DZIP3: variants seen among roughly 807,000 people sequenced by gnomAD.
The protein encoded by DZIP3 is DAZ interacting zinc finger protein 3.
Under a neutral mutation model 162.0 loss-of-function variants are expected in DZIP3, and 118 were observed. The ratio of observed to expected loss-of-function variants is 0.73; its 90% confidence interval spans 0.63 to 0.85. The LOEUF (loss-of-function observed/expected upper bound fraction) is 0.85, where lower values mean the gene tolerates loss of function less well. DZIP3 is among the 40% of genes least tolerant of loss of function. DZIP3 has a pLI of 0.00. For synonymous variants in DZIP3, 438 were observed against 458.6 expected (o/e 0.96, Z 0.57); for missense variants, 1,331 against 1,407.0 (o/e 0.95, Z 0.86).
rs941345390 is a variant in DZIP3, at chr3:108,662,402, C to G, written c.2423+145C>G. 10 of 1,053,782 alleles carry G rather than the reference C, an allele frequency of 9.5e-6. No individual in the cohort carries two copies. In the African/African-American group the frequency reaches 1.6e-4, roughly 17 times the overall value. The allele number at this position is 1,053,782 out of a possible 1,614,324, so 65.3% of individuals were successfully genotyped here. Reference sequence around the variant, plus strand: ...ACGACTGCACTTGTTTAAAAACCAACCATATTTTTGTCTTGCCAACTGGAT... The same window carrying G: ...ACGACTGCACTTGTTTAAAAACCAAGCATATTTTTGTCTTGCCAACTGGAT... On this transcript the variant is annotated intron_variant, in intron 21 of 32. Coordinates refer to ENST00000361582, the MANE Select transcript of DZIP3 (RefSeq NM_014648.4).
At chr3:108,619,331 T>G (rs1275858065) in intron 5 of DZIP3, among the ~76,000 whole-genome samples, 1 of 150,244 alleles carries the variant, frequency 6.7e-6, no homozygotes, top group African/African-American at 2.5e-5. Context: ...TGTGTTTTGT[T>G]TTATATACAT....
At chr3:108,629,996 AT>A (rs1392891392) in intron 8 of DZIP3, among the ~76,000 whole-genome samples, 2 of 151,930 alleles carry the variant, frequency 1.3e-5, no homozygotes, top group African/African-American at 4.8e-5. Context: ...TTCTCACGTC[AT>A]TTCATTAGAA....
chr3:108,647,957 G>A lies in DZIP3; in HGVS notation c.1807G>A (p.Glu603Lys). The part of the protein sequence containing the change: ...ITGSQRIEIE[E>K]LQNEEEELSP... ...TTTATGTTTAGGTATTGAAATAGAA[G>A]AGTTACAGAATGAGGAAGAAGAACT... is the stretch of plus-strand genomic sequence containing the variant. The change falls in exon 16 of 33, where the codon GAG (glutamate) becomes AAG (lysine). Residue 603 changes from glutamate to lysine, a missense_variant. By Grantham distance (56) the Glu-to-Lys change is moderately conservative (BLOSUM62 1). Around this residue, in one of 2 missense-constraint regions of DZIP3, gnomAD observed 1,278 missense variants for 1,317.1 expected, o/e 0.97. Transcript: ENST00000361582. The A allele has an allele frequency of 6.4e-7, 1 of 1,558,208 alleles. No individual in the cohort carries two copies. Among genetic ancestry groups the A allele is most frequent in the South Asian group, 1.2e-5 (1 of 80,806 alleles).
chr3:108,677,463 G>T, intron 25 of DZIP3, 34 bp from the exon 26 acceptor site: 2 of 1,564,236 alleles, frequency 1.3e-6, no homozygotes, highest in South Asian at 1.1e-5. Flanking sequence ...AAAGTTGGTT[G>T]TTCTCTAAAG....
intron 4 of DZIP3, among the ~76,000 whole-genome samples, chr3:108,612,317 C>T (rs1940757406): frequency 6.6e-6 from 1 of 152,054 alleles, no homozygotes; most frequent in Admixed American, 6.5e-5. Context: ...AAAATTCCAA[C>T]AAACTGAAGA....
At chr3:108,688,293 T>C (rs1944565785) in intron 29 of DZIP3, among the ~76,000 whole-genome samples, 197 bp downstream of exon 29, 1 of 152,210 alleles carries the variant, frequency 6.6e-6, no homozygotes, top group African/African-American at 2.4e-5. Flanking sequence ...TACCTAATCA[T>C]TCTAGAATAA....
intron 7 of DZIP3, among the ~76,000 whole-genome samples, 177 bp from the exon 8 acceptor site, chr3:108,628,885 C>T (rs1055612921): frequency 5.9e-5 from 9 of 152,144 alleles, no homozygotes; most frequent in Non-Finnish European, 1.3e-4. Context: ...TCCCCTTCCA[C>T]CTGTATTTCA....
chr3:108,676,294 T>TA (rs1422116792), intron 25 of DZIP3, among the ~76,000 whole-genome samples: 1 of 152,044 alleles, frequency 6.6e-6, no homozygotes, highest in African/African-American at 2.4e-5. Flanking sequence ...GCCTGGACAA[T>TA]AGAGTGAGAC....
In DZIP3 at chr3:108,608,999, C is replaced by A. The variant is rs558366133; in HGVS notation, c.102+841C>A. Among the ~76,000 whole-genome samples, 23 of 152,220 alleles carry A rather than the reference C, an allele frequency of 1.5e-4. No homozygotes were observed. The South Asian group carries it at 4.6e-3, about 30-fold the overall frequency. On this transcript the variant is annotated intron_variant, in intron 3 of 32. Coordinates refer to ENST00000361582, the MANE Select transcript of DZIP3 (RefSeq NM_014648.4). Reference sequence around the variant, plus strand: ...CAAAGGGGAAGCAAGCACGCCTTCACGTGGCGGCAGGAGAGAAAGAGACCA... The same window carrying A: ...CAAAGGGGAAGCAAGCACGCCTTCAAGTGGCGGCAGGAGAGAAAGAGACCA...
Position 108,677,631 on chromosome 3 carries a change from T to G in DZIP3, c.2883+33T>G, listed in dbSNP as rs1421905916. 7 of 1,578,982 alleles carry G rather than the reference T, an allele frequency of 4.4e-6. No homozygotes were observed. In the Admixed American group the frequency reaches 8.4e-5, roughly 19 times the overall value. On this transcript the variant is annotated intron_variant, in intron 26 of 32. Transcript: ENST00000361582. The stretch of plus-strand genomic sequence containing the variant: ...ATACAACATTTTGAATAATTGCCCT[T>G]TTCATTTTGACAAAATGGTAAGGGC...
intron 2 of DZIP3, among the ~76,000 whole-genome samples, chr3:108,606,171 CT>C (rs1341561614): frequency 3.3e-5 from 5 of 152,138 alleles, no homozygotes; most frequent in African/African-American, 1.2e-4. Context: ...GTTATTATCC[CT>C]ATTTTCTAAA....
chr3:108,591,470 A>G lies in DZIP3; in HGVS notation c.-73+1631A>G, dbSNP rs1049168993. On this transcript the variant is annotated intron_variant, in intron 1 of 32. Coordinates refer to ENST00000361582, the MANE Select transcript of DZIP3 (RefSeq NM_014648.4). ...AGGGTAATGCGCAAAGCTGCGTGCT[A>G]TCAGTGCCATCTTTGTTGGATTTTG... Among the ~76,000 whole-genome samples the G allele has an allele frequency of 7.9e-5, 12 of 152,236 alleles. No individual in the cohort carries two copies. In the South Asian group the frequency reaches 1.2e-3, roughly 16 times the overall value.
intron 5 of DZIP3, among the ~76,000 whole-genome samples, chr3:108,621,050 T>C (rs920567814): frequency 1.3e-5 from 2 of 152,206 alleles, no homozygotes; most frequent in African/African-American, 4.8e-5. Flanking sequence ...CTCGATGTCC[T>C]GACCTTGTAA....
chr3:108,660,239 T>C (rs924670346), intron 19 of DZIP3, among the ~76,000 whole-genome samples: 1 of 152,136 alleles, frequency 6.6e-6, no homozygotes, highest in African/African-American at 2.4e-5. Context: ...CTTCAAAGTA[T>C]ACTACAAGGC....
rs767764511 is a variant in DZIP3 at position 108,661,863 on chromosome 3, C to A, written c.2200-14C>A. ...TGAGGAAAATAATACATGCATATTT[C>A]CTGTGCTCAATAGGGCTCAGCTGGC... On this transcript the variant is annotated splice_polypyrimidine_tract_variant and intron_variant, in intron 19 of 32. Transcript: ENST00000361582. 1 of 1,602,922 alleles carries A rather than the reference C, an allele frequency of 6.2e-7. No homozygotes were observed. Among genetic ancestry groups the A allele is most frequent in the Non-Finnish European group, 8.5e-7 (1 of 1,174,544 alleles).
chr3:108,648,125 A>G lies in DZIP3; in HGVS notation c.1962+13A>G, dbSNP rs776571115. On this transcript the variant is annotated intron_variant, in intron 16 of 32. Coordinates refer to ENST00000361582, the MANE Select transcript of DZIP3 (RefSeq NM_014648.4). ...AGATCTCCAGGAAGTATAAGCTCTCATTAATATTTGAGTTAGAAGAACTTA... is the reference window on the plus strand; with the variant it reads ...AGATCTCCAGGAAGTATAAGCTCTCGTTAATATTTGAGTTAGAAGAACTTA... 2.5e-6 allele frequency: 4 copies of G among 1,580,866 alleles called. No individual in the cohort carries two copies. Among genetic ancestry groups the G allele is most frequent in the Non-Finnish European group, 3.4e-6 (4 of 1,167,646 alleles).
At chr3:108,603,558 G>T (rs9857110) in intron 1 of DZIP3, among the ~76,000 whole-genome samples, 1 of 152,166 alleles carries the variant, frequency 6.6e-6, no homozygotes, top group Admixed American at 6.5e-5. Context: ...TATTCATTCT[G>T]TGTAGGCAAG....
At chr3:108,684,673 A>G (rs926223562) in intron 27 of DZIP3, among the ~76,000 whole-genome samples, 1 of 152,172 alleles carries the variant, frequency 6.6e-6, no homozygotes, top group African/African-American at 2.4e-5. Context: ...GGGAAGATTG[A>G]AAAGCAAAGA....
At chr3:108,650,683 A>G (rs1330709496) in intron 17 of DZIP3, among the ~76,000 whole-genome samples, 2 of 151,376 alleles carry the variant, frequency 1.3e-5, no homozygotes, top group Non-Finnish European at 3.0e-5. Context: ...ACTTCTCCTT[A>G]TATATAGGTT....
Sources: allele counts gnomAD v4.1 joint callset (sites outside exome capture counted in the v4.1 genomes callset), GRCh38; gene constraint gnomAD v4.1.1; regional missense constraint gnomAD v4.1.1; transcripts MANE v1.5; gene names NCBI Gene and HGNC (gene_info 2026-07-23, HGNC 2026-07-21).